Variants in TFDP2 observed in about 807,000 individuals in gnomAD.
TFDP2 encodes transcription factor Dp-2 (E2F dimerization partner 2).
TFDP2 carries 17 observed loss-of-function variants against 59.3 expected under a neutral mutation model. The ratio of observed to expected loss-of-function variants is 0.29; its 90% confidence interval spans 0.20 to 0.43. The LOEUF (loss-of-function observed/expected upper bound fraction) is 0.43, where lower values mean the gene tolerates loss of function less well. TFDP2 is among the 20% of genes least tolerant of loss of function. The probability of loss-of-function intolerance (pLI) is 1.00; values close to 1 mark genes in which losing one functional copy is unlikely to be tolerated. For synonymous variants in TFDP2, 180 were observed against 194.7 expected (o/e 0.92, Z 0.63); for missense variants, 391 against 528.8 (o/e 0.74, Z 2.56).
At chr3:142,050,621 G>A (rs189955090) in intron 3 of TFDP2, among the ~76,000 whole-genome samples, 1 of 151,330 alleles carries the variant, frequency 6.6e-6, no homozygotes, top group Non-Finnish European at 1.5e-5. Flanking sequence ...GTATGAACCT[G>A]GGAGGCAGAG....
intron 6 of TFDP2, among the ~76,000 whole-genome samples, chr3:141,981,231 G>A (rs1941454898): frequency 6.6e-6 from 1 of 152,142 alleles, no homozygotes; most frequent in Non-Finnish European, 1.5e-5. Context: ...ATGACCTATA[G>A]TATTCAAACC....
At position 142,038,729 on chromosome 3, in the gene TFDP2, C is replaced by T. The variant is rs181644044; in HGVS notation, c.83-33185G>A. Among the ~76,000 whole-genome samples, 40 of 151,428 alleles carry T rather than the reference C, an allele frequency of 2.6e-4. No individual in the cohort carries two copies. The East Asian group carries it at 7.8e-3, about 29-fold the overall frequency. On this transcript the variant is annotated intron_variant, in intron 3 of 12. Transcript: ENST00000489671. ...ACACATATCGAGTCTTTCTATGATA[C>T]ATATTTTTTTTTACAAAAAAGGGGA...
chr3:142,110,421 T>C (rs369849681), intron 1 of TFDP2, among the ~76,000 whole-genome samples: 2 of 151,986 alleles, frequency 1.3e-5, no homozygotes, highest in East Asian at 1.9e-4. Flanking sequence ...GGAGAATCAC[T>C]TGAACCTGGA....
chr3:142,113,198 A>C (rs1244680415), intron 1 of TFDP2, among the ~76,000 whole-genome samples: 1 of 152,212 alleles, frequency 6.6e-6, no homozygotes, highest in Non-Finnish European at 1.5e-5. Context: ...TAGCATCACA[A>C]ATGTTAAGAC....
chr3:142,149,472 T>A lies in TFDP2; in HGVS notation c.-382A>T, dbSNP rs968963535. On this transcript the variant is annotated 5_prime_UTR_variant, in exon 1 of 13. Coordinates refer to ENST00000489671, the MANE Select transcript of TFDP2 (RefSeq NM_001178139.2). ...GCAGCCGAGATCGCTACCGATTTCG[T>A]CCGCCCTCTCCCTGCCCAGCTACAG... 3 of 367,122 alleles carry A rather than the reference T, an allele frequency of 8.2e-6. No individual in the cohort carries two copies. Among genetic ancestry groups the A allele is most frequent in the African/African-American group, 4.2e-5 (2 of 47,456 alleles). 22.7% of individuals were successfully genotyped at this position (367,122 alleles called of 1,614,324 possible).
intron 6 of TFDP2, among the ~76,000 whole-genome samples, chr3:141,987,040 T>C (rs998115622): frequency 3.3e-5 from 5 of 152,330 alleles, no homozygotes; most frequent in East Asian, 3.9e-4. Flanking sequence ...ATTCTTTTGT[T>C]TTTTCTTGGT....
chr3:141,977,106 ATTTTTTTT>A (rs66720095), intron 7 of TFDP2, among the ~76,000 whole-genome samples: 1 of 97,524 alleles, frequency 1.0e-5, no homozygotes, highest in Non-Finnish European at 2.0e-5. Context: ...ATATATATAT[ATTTTTTTT>A]TTTTTTTTTT....
At chr3:142,013,666 T>TGCCA (rs1944897528) in intron 3 of TFDP2, among the ~76,000 whole-genome samples, 1 of 152,238 alleles carries the variant, frequency 6.6e-6, no homozygotes, top group Admixed American at 6.5e-5. Context: ...TAAAAACTTA[T>TGCCA]GCCAGATCTT....
At chr3:141,989,369 A>T (rs1189050063) in intron 6 of TFDP2, 2 of 152,250 alleles carry the variant, frequency 1.3e-5, no homozygotes, top group African/African-American at 4.8e-5. Flanking sequence ...TGCTAAGCAG[A>T]CAAGCAGGCA....
At chr3:141,997,849 C>CAAAAAAAAAAAAA (rs3058569) in intron 4 of TFDP2, among the ~76,000 whole-genome samples, 2 of 84,018 alleles carry the variant, frequency 2.4e-5, no homozygotes, top group Admixed American at 1.5e-4. Flanking sequence ...GACTCCATCT[C>CAAAAAAAAAAAAA]AAAAAAAAAA....
chr3:141,997,400 G>A (rs1361621053), intron 4 of TFDP2, among the ~76,000 whole-genome samples: 1 of 152,152 alleles, frequency 6.6e-6, no homozygotes, highest in Non-Finnish European at 1.5e-5. Flanking sequence ...TATTTGATTA[G>A]CCTCTGGTCA....
intron 1 of TFDP2, among the ~76,000 whole-genome samples, chr3:142,137,957 T>C (rs2108744498): frequency 6.6e-6 from 1 of 152,332 alleles, no homozygotes; most frequent in East Asian, 1.9e-4. Context: ...TGGTACCAGC[T>C]CCTCTTTGTA....
At chr3:142,038,406 AAG>A (rs1553785544) in intron 3 of TFDP2, among the ~76,000 whole-genome samples, 18 of 150,700 alleles carry the variant, frequency 1.2e-4, no homozygotes, top group Non-Finnish European at 2.4e-4. Flanking sequence ...AAAAAAAAAA[AAG>A]AGAATAAGTA....
chr3:142,127,571 C>T (rs1157078469), intron 1 of TFDP2, among the ~76,000 whole-genome samples: 1 of 151,948 alleles, frequency 6.6e-6, no homozygotes, highest in Admixed American at 6.6e-5. Context: ...CTCTTGACCT[C>T]GTGATCTGCC....
At chr3:142,051,857 GA>G (rs1947647421) in intron 3 of TFDP2, among the ~76,000 whole-genome samples, 1 of 152,080 alleles carries the variant, frequency 6.6e-6, no homozygotes, top group Non-Finnish European at 1.5e-5. Context: ...TGGACTTAGT[GA>G]CTCATGTTTG....
chr3:142,077,780 T>G (rs567555823), intron 3 of TFDP2, among the ~76,000 whole-genome samples: 1 of 152,248 alleles, frequency 6.6e-6, no homozygotes, highest in East Asian at 1.9e-4. Flanking sequence ...AAACTCCTTC[T>G]GTTTGAGAAA....
intron 4 of TFDP2, among the ~76,000 whole-genome samples, chr3:141,999,809 C>A (rs1943606472): frequency 6.6e-6 from 1 of 151,266 alleles, no homozygotes; most frequent in Non-Finnish European, 1.5e-5. Flanking sequence ...GATCTCAGCT[C>A]ACTGCAAGCT....
In TFDP2 at chr3:141,952,475, T is replaced by C; in HGVS notation, c.*38A>G. The stretch of plus-strand genomic sequence containing the variant: ...CAAGAGCTCACACTACAAACACACA[T>C]GAGCATCACATATTGAAACGTAGGC... On this transcript the variant is annotated 3_prime_UTR_variant, in exon 13 of 13. Transcript: ENST00000489671. 4 of 1,488,340 alleles carry C rather than the reference T, an allele frequency of 2.7e-6. No homozygotes were observed. The highest frequency in any genetic ancestry group is 3.6e-6 in the Non-Finnish European group (4 of 1,123,438). 92.2% of individuals were successfully genotyped at this position (1,488,340 alleles called of 1,614,324 possible).
intron 2 of TFDP2, among the ~76,000 whole-genome samples, chr3:142,098,071 G>A (rs1348746674): frequency 1.3e-5 from 2 of 152,088 alleles, no homozygotes; most frequent in African/African-American, 4.8e-5. Context: ...GATTACAGGC[G>A]TGAGCCATCG....
Sources: allele counts gnomAD v4.1 joint callset (sites outside exome capture counted in the v4.1 genomes callset), GRCh38; gene constraint gnomAD v4.1.1; transcripts MANE v1.5; gene names NCBI Gene and HGNC (gene_info 2026-07-23, HGNC 2026-07-21).